ANO1: variants seen among roughly 807,000 people sequenced by gnomAD.
ANO1 encodes the protein anoctamin 1.
In ANO1, 59 loss-of-function variants were observed where a neutral mutation model predicts 124.0. The ratio of observed to expected loss-of-function variants is 0.48; its 90% CI spans 0.39 to 0.59. The LOEUF (loss-of-function observed/expected upper bound fraction) is 0.59, where lower values mean the gene tolerates loss of function less well. ANO1 is among the 20% of genes least tolerant of loss of function. The pLI is 0.00. For missense variants in ANO1, 1,059 were observed against 1,328.0 expected (o/e 0.80, Z 3.15); for synonymous variants, 529 against 532.0 (o/e 0.99, Z 0.08).
At chr11:69,997,776 G>A (rs1246608693) in intron 1 of ANO1, among the ~76,000 whole-genome samples, 1 of 152,154 alleles carries the variant, frequency 6.6e-6, no homozygotes, top group Non-Finnish European at 1.5e-5. Flanking sequence ...TTTTAAAAGT[G>A]TGTCATACTT....
intron 1 of ANO1, among the ~76,000 whole-genome samples, chr11:70,036,693 C>T (rs1857099595): frequency 6.6e-6 from 1 of 152,168 alleles, no homozygotes; most frequent in East Asian, 1.9e-4. Context: ...CTGCAAGCTC[C>T]ACCTCCCGGG....
At chr11:70,082,508 C>G (rs1175002850) in intron 1 of ANO1, among the ~76,000 whole-genome samples, 1 of 152,144 alleles carries the variant, frequency 6.6e-6, no homozygotes, top group Non-Finnish European at 1.5e-5. Context: ...TGCAGTGAGC[C>G]AAGATCGCAC....
chr11:70,030,306 G>A (rs1227229561), intron 1 of ANO1, among the ~76,000 whole-genome samples: 2 of 152,246 alleles, frequency 1.3e-5, no homozygotes, highest in South Asian at 4.1e-4. Flanking sequence ...GATGAGGACT[G>A]GGCAAAGGTA....
chr11:70,093,479 T>C (rs981187924), intron 2 of ANO1, among the ~76,000 whole-genome samples: 1 of 152,198 alleles, frequency 6.6e-6, no homozygotes, highest in African/African-American at 2.4e-5. Context: ...ACATTATTTA[T>C]GTCCATGGGG....
intron 1 of ANO1, among the ~76,000 whole-genome samples, chr11:70,062,595 T>C (rs1857613459): frequency 6.6e-6 from 1 of 152,176 alleles, no homozygotes; most frequent in Non-Finnish European, 1.5e-5. Context: ...TCTGGAGCCT[T>C]GCCCAGTGTC....
chr11:70,046,792 A>T (rs11237779), intron 1 of ANO1, among the ~76,000 whole-genome samples: 14,329 of 152,162 alleles, frequency 0.094, 1,065 homozygotes, highest in East Asian at 0.39. Context: ...AAGGACATTA[A>T]GCTGGGTGTG....
chr11:69,991,633 T>A (rs1319942353), intron 1 of ANO1, among the ~76,000 whole-genome samples: 2 of 152,220 alleles, frequency 1.3e-5, no homozygotes, highest in Non-Finnish European at 2.9e-5. Context: ...TGAGGAAACT[T>A]CTGTCTCTGC....
At chr11:70,041,247 A>C (rs1555005021) in intron 1 of ANO1, among the ~76,000 whole-genome samples, 1 of 152,206 alleles carries the variant, frequency 6.6e-6, no homozygotes, top group East Asian at 1.9e-4. Flanking sequence ...TGGCAGTTGC[A>C]AACAGGAGAG....
chr11:70,064,542 C>T (rs1857671981), intron 1 of ANO1: 1 of 152,206 alleles, frequency 6.6e-6, no homozygotes, highest in South Asian at 2.1e-4. Context: ...TGCTGGCCTC[C>T]CTGTTTGGGG....
At chr11:70,056,337 T>G (rs1857434207) in intron 1 of ANO1, 1 of 152,172 alleles carries the variant, frequency 6.6e-6, no homozygotes, top group South Asian at 2.1e-4. Context: ...AATATGTCAC[T>G]CTATTGTCTT....
chr11:70,186,399 A>AAGGAAGGAAGGAAGGAAGG (rs1565291366), intron 25 of ANO1, among the ~76,000 whole-genome samples: 41 of 83,484 alleles, frequency 4.9e-4, no homozygotes, highest in African/African-American at 1.8e-3. Context: ...AGGAAGGAAG[A>AAGGAAGGAAGGAAGGAAGG]AAGACATGGA....
intron 1 of ANO1, among the ~76,000 whole-genome samples, chr11:70,062,893 G>A (rs1331766811): frequency 6.6e-6 from 1 of 152,188 alleles, no homozygotes; most frequent in Non-Finnish European, 1.5e-5. Context: ...ACCAGAATGT[G>A]TCTATTATGT....
At chr11:70,000,393 G>A (rs1164124100) in intron 1 of ANO1, among the ~76,000 whole-genome samples, 2 of 152,084 alleles carry the variant, frequency 1.3e-5, no homozygotes, top group African/African-American at 4.8e-5. Context: ...AAAGGAAAAG[G>A]CCTGATAAGC....
intron 22 of ANO1, among the ~76,000 whole-genome samples, chr11:70,178,010 G>A (rs1362134909): frequency 3.9e-5 from 6 of 152,228 alleles, no homozygotes; most frequent in Non-Finnish European, 8.8e-5. Context: ...GCCTGCCACC[G>A]CTTTGCAGCC....
intron 1 of ANO1, among the ~76,000 whole-genome samples, chr11:70,005,068 G>C (rs1189314042): frequency 3.4e-5 from 5 of 146,238 alleles, no homozygotes; most frequent in Admixed American, 7.1e-5. Flanking sequence ...AGCCGAGATC[G>C]TGCCACTGCA....
chr11:70,091,288 C>T (rs1419780712), intron 2 of ANO1, among the ~76,000 whole-genome samples: 1 of 152,126 alleles, frequency 6.6e-6, no homozygotes, highest in Non-Finnish European at 1.5e-5. Flanking sequence ...CACAATCTTA[C>T]CCAACTGGAA....
At position 70,125,835 on chromosome 11, in the gene ANO1, C is replaced by G. The variant is rs1040239065; in HGVS notation, c.963-226C>G. Among the ~76,000 whole-genome samples, 19 of 127,122 alleles carry G rather than the reference C, an allele frequency of 1.5e-4. 1 individual carries two copies. Among genetic ancestry groups the G allele is most frequent in the Admixed American group, 1.1e-3 (13 of 11,692 alleles). The allele number at this position is 127,122 out of a possible 152,430, so 83.4% of individuals were successfully genotyped here. ...CTCCAGCCTGGGCAACAGAGCGAGACTCCATCTCAAAAAAAAACAAAAAAA... is the reference window on the plus strand; with the variant it reads ...CTCCAGCCTGGGCAACAGAGCGAGAGTCCATCTCAAAAAAAAACAAAAAAA... On this transcript the variant is annotated intron_variant, in intron 9 of 25. Transcript: ENST00000355303.
At chr11:70,037,006 A>T (rs1857105546) in intron 1 of ANO1, among the ~76,000 whole-genome samples, 1 of 152,214 alleles carries the variant, frequency 6.6e-6, no homozygotes, top group Admixed American at 6.5e-5. Context: ...GCTGTGCCTG[A>T]CTGTCACTCA....
chr11:70,073,449 G>A (rs776987395), upstream of ANO1, among the ~76,000 whole-genome samples: 3 of 152,180 alleles, frequency 2.0e-5, no homozygotes, highest in East Asian at 3.9e-4. Context: ...AGCTTAGCAC[G>A]GTGCTGGCTC....
Sources: gnomAD v4.1 joint callset for allele counts (sites outside exome capture counted in the v4.1 genomes callset) on GRCh38, gnomAD v4.1.1 for gene constraint, MANE v1.5 for transcripts, NCBI Gene and HGNC (gene_info 2026-07-23, HGNC 2026-07-21) for gene names.